The following CHAF1B variants were observed in gnomAD, a reference collection of about 807,000 sequenced individuals.
CHAF1B encodes the protein chromatin assembly factor 1 subunit B.
CHAF1B carries 10 observed loss-of-function variants against 60.7 expected under a neutral mutation model. The observed-to-expected ratio is 0.16, with a 90% CI of 0.10 to 0.28. CHAF1B has a LOEUF of 0.28. Among genes scored for constraint, CHAF1B ranks in the 10% least tolerant of loss-of-function variants. The pLI, the probability that CHAF1B is intolerant of heterozygous loss-of-function variation, is 1.00. For synonymous variants in CHAF1B, 261 were observed against 266.1 expected (o/e 0.98, Z 0.19); for missense variants, 558 against 708.4 (o/e 0.79, Z 2.41).
rs939960633 is a variant in CHAF1B, at chr21:36,394,753, A to G, written c.481+103A>G. 2.7e-5 allele frequency: 18 copies of G among 664,148 alleles called. No homozygotes were observed. In the Admixed American group the frequency reaches 3.6e-4, roughly 13 times the overall value. 41.1% of individuals were successfully genotyped at this position (664,148 alleles called of 1,614,324 possible). A position where few individuals can be genotyped will look rare whatever the true frequency, so the allele number is the denominator to read the frequency against. On this transcript the variant is annotated intron_variant, in intron 5 of 13. Coordinates refer to ENST00000314103, the MANE Select transcript of CHAF1B (RefSeq NM_005441.3). ...AACTTTTTTTTTTTTTTTTTTTGAG[A>G]CAGGATCTCACTCTGCCGCCCAGGC...
intron 12 of CHAF1B, among the ~76,000 whole-genome samples, chr21:36,414,972 C>T (rs184639156): frequency 4.7e-4 from 71 of 152,298 alleles, no homozygotes; most frequent in Admixed American, 4.0e-3. Context: ...TATATAGAAA[C>T]CATATCTGAC....
intron 5 of CHAF1B, among the ~76,000 whole-genome samples, chr21:36,396,905 C>A (rs930282330): frequency 6.6e-6 from 1 of 152,146 alleles, no homozygotes; most frequent in Non-Finnish European, 1.5e-5. Flanking sequence ...GAATTCACAG[C>A]CTTTTCCTTA....
chr21:36,386,383 G>A (rs2086034776), intron 2 of CHAF1B, 121 bp downstream of exon 2: 2 of 1,263,616 alleles, frequency 1.6e-6, no homozygotes, highest in South Asian at 2.9e-5. Flanking sequence ...AGTGCTTTGG[G>A]AGGCTGAGGT....
At chr21:36,408,956 G>A (rs1218041100) in intron 9 of CHAF1B, 126 bp downstream of exon 9, 3 of 627,052 alleles carry the variant, frequency 4.8e-6, no homozygotes, top group Non-Finnish European at 8.5e-6. Flanking sequence ...CCGGGTTCAA[G>A]TGATTCTCCT....
intron 11 of CHAF1B, among the ~76,000 whole-genome samples, chr21:36,411,875 C>T (rs567841627): frequency 1.2e-4 from 18 of 152,148 alleles, no homozygotes; most frequent in South Asian, 6.2e-4. Flanking sequence ...ATTACAGGTG[C>T]GCACCACTAC....
At chr21:36,391,407 T>G (rs1287088208) in intron 3 of CHAF1B, 144 bp from the exon 4 acceptor site, 2 of 467,716 alleles carry the variant, frequency 4.3e-6, no homozygotes, top group East Asian at 4.1e-5. Context: ...GAGGTTGCAG[T>G]GAGCCAAGAT....
chr21:36,409,396 C>T lies in CHAF1B; in HGVS notation c.850C>T (p.Pro284Ser), dbSNP rs1172957320. The T allele has an allele frequency of 5.6e-6, 9 of 1,613,706 alleles. No individual in the cohort carries two copies. The highest frequency in any genetic ancestry group is 1.7e-5 in the Admixed American group (1 of 59,986). Residue 284 changes from proline to serine, a missense_variant, in exon 10 of 14, where the codon CCT becomes TCT. Coordinates refer to ENST00000314103, the MANE Select transcript of CHAF1B (RefSeq NM_005441.3). ...LKRPIAHLPC[P>S]GKATLAVRCC... ...TAGGCCCATCGCTCATCTTCCATGTCCTGGAAAAGCCACTCTTGCTGTTCG... is the reference window on the plus strand; with the variant it reads ...TAGGCCCATCGCTCATCTTCCATGTTCTGGAAAAGCCACTCTTGCTGTTCG...
At chr21:36,387,261 C>T (rs951027923) in intron 2 of CHAF1B, among the ~76,000 whole-genome samples, 2 of 138,160 alleles carry the variant, frequency 1.4e-5, no homozygotes, top group Non-Finnish European at 3.0e-5. Context: ...CTTACTCTGT[C>T]GCCCAGGCTG....
At chr21:36,385,746 GGCCCCTCCCCGGGCTCTCAGGGCGC>G (rs1400677758) in intron 1 of CHAF1B, among the ~76,000 whole-genome samples, 2 of 152,056 alleles carry the variant, frequency 1.3e-5, no homozygotes, top group African/African-American at 2.4e-5. Flanking sequence ...TCCCGGGGCG[GGCCCCTCCCCGGGCTCTCAGGGCGC>G]GCCCCTAGCC....
chr21:36,400,584 A>G (rs2086179854), intron 7 of CHAF1B, among the ~76,000 whole-genome samples: 1 of 151,966 alleles, frequency 6.6e-6, no homozygotes, highest in Non-Finnish European at 1.5e-5. Context: ...CATGATTCTC[A>G]GGTATAGCAA....
chr21:36,387,793 C>A, intron 3 of CHAF1B, 63 bp downstream of exon 3: 6 of 1,477,248 alleles, frequency 4.1e-6, no homozygotes, highest in South Asian at 2.3e-5. Context: ...TGTCTTGTGT[C>A]AGATAGTGAG....
At chr21:36,402,484 A>G (rs1431375762) in intron 7 of CHAF1B, among the ~76,000 whole-genome samples, 1 of 152,272 alleles carries the variant, frequency 6.6e-6, no homozygotes, top group African/African-American at 2.4e-5. Flanking sequence ...CATAAAACAC[A>G]CATATATACA....
Position 36,393,408 on chromosome 21 carries a change from C to T in CHAF1B, c.378-1139C>T, listed in dbSNP as rs947277820. 3.6e-3 allele frequency among the ~76,000 whole-genome samples: 454 copies of T among 126,546 alleles called. 2 individuals carry two copies. The highest frequency in any genetic ancestry group is 0.013 in the African/African-American group (426 of 33,616). 83.0% of individuals were successfully genotyped at this position (126,546 alleles called of 152,430 possible). ...TTCTTAGTTTCGGCTATACATTTTT[C>T]TTAGTAAAAAGTATTCAATTTTAAA... On this transcript the variant is annotated intron_variant, in intron 4 of 13. Coordinates refer to ENST00000314103, the MANE Select transcript of CHAF1B (RefSeq NM_005441.3).
chr21:36,387,540 A>T lies in CHAF1B; in HGVS notation c.127-58A>T. 1.9e-6 allele frequency: 3 copies of T among 1,602,630 alleles called. 1 individual carries two copies. Among genetic ancestry groups the T allele is most frequent in the South Asian group, 2.2e-5 (2 of 90,280 alleles). ...CCAGCCCATAGTATTGTTTTAATAC[A>T]GACAGTATAATATGTGCCCATTCTA... On this transcript the variant is annotated intron_variant, in intron 2 of 13. Coordinates refer to ENST00000314103, the MANE Select transcript of CHAF1B (RefSeq NM_005441.3).
intron 3 of CHAF1B, among the ~76,000 whole-genome samples, chr21:36,388,628 G>T (rs559384135): frequency 1.3e-5 from 2 of 151,902 alleles, no homozygotes; most frequent in East Asian, 3.9e-4. Context: ...CACCACCCCC[G>T]GCTAATTTTT....
rs1439646192 is a variant in CHAF1B at position 36,417,933 on chromosome 21, T to TG, written c.*1568dup. On this transcript the variant is annotated 3_prime_UTR_variant, in exon 14 of 14. Transcript: ENST00000314103. Reference sequence around the variant, plus strand: ...CTTAAAGCTCCTGGAGTAATTCTGATGCGCAGCCAAGATTGAGAAATCTAA... The same window carrying TG: ...CTTAAAGCTCCTGGAGTAATTCTGATGGCGCAGCCAAGATTGAGAAATCTAA... 1 of 152,162 alleles carries TG rather than the reference T, an allele frequency of 6.6e-6. No homozygotes were observed. Among genetic ancestry groups the TG allele is most frequent in the East Asian group, 1.9e-4 (1 of 5,190 alleles). 9.4% of individuals were successfully genotyped at this position (152,162 alleles called of 1,614,324 possible). A position where few individuals can be genotyped will look rare whatever the true frequency, so the allele number is the denominator to read the frequency against.
Position 36,413,257 on chromosome 21 carries a change from C to A in CHAF1B, c.1435C>A (p.His479Asn), listed in dbSNP as rs1371017998. Residue 479 changes from histidine (H) to asparagine (N), a missense_variant, in exon 12 of 14, where the codon CAC becomes AAC. Physicochemically the swap from His to Asn is moderately conservative, Grantham distance 68 (BLOSUM62 1). Around this residue, in one of 2 missense-constraint regions of CHAF1B, gnomAD observed 233 missense variants for 214.9 expected, o/e 1.08. Transcript: ENST00000314103. ...LQPSSQNTKA[H>N]PSRRVTLNTL... Reference sequence around the variant, plus strand: ...GCCCAGTAGTCAAAACACAAAAGCCCACCCATCCCGGAGGGTCACTCTGAA... The same window carrying A: ...GCCCAGTAGTCAAAACACAAAAGCCAACCCATCCCGGAGGGTCACTCTGAA... 6 of 1,613,424 alleles carry A rather than the reference C, an allele frequency of 3.7e-6. No homozygotes were observed. The African/African-American group carries it at 8.0e-5, about 22-fold the overall frequency.
At chr21:36,396,125 A>T (rs1268362718) in intron 5 of CHAF1B, among the ~76,000 whole-genome samples, 1 of 151,202 alleles carries the variant, frequency 6.6e-6, no homozygotes, top group Admixed American at 6.6e-5. Context: ...TCAGCCCTCA[A>T]GGTAGCTGGG....
chr21:36,400,039 TG>T (rs1453876383), intron 7 of CHAF1B, among the ~76,000 whole-genome samples: 1 of 151,928 alleles, frequency 6.6e-6, no homozygotes, highest in Admixed American at 6.6e-5. Flanking sequence ...TAGCCAGCTG[TG>T]GTGGTGCATG....
Sources: allele counts gnomAD v4.1 joint callset (sites outside exome capture counted in the v4.1 genomes callset), GRCh38; gene constraint gnomAD v4.1.1; regional missense constraint gnomAD v4.1.1; transcripts MANE v1.5; gene names NCBI Gene and HGNC (gene_info 2026-07-23, HGNC 2026-07-21).